The following KHDRBS2 variants were observed in gnomAD, a reference collection of about 807,000 sequenced individuals.
KHDRBS2 encodes KH RNA binding domain containing, signal transduction associated 2, also known as KH domain-containing, RNA-binding, signal transduction-associated protein 2.
Under a neutral mutation model 44.3 loss-of-function variants are expected in KHDRBS2, and 26 were observed. The ratio of observed to expected loss-of-function variants is 0.59; its 90% confidence interval spans 0.43 to 0.81. The LOEUF (loss-of-function observed/expected upper bound fraction) is 0.81, where lower values mean the gene tolerates loss of function less well. KHDRBS2 is among the 40% of genes least tolerant of loss of function. The probability of loss-of-function intolerance (pLI) is 0.00; values close to 1 mark genes in which losing one functional copy is unlikely to be tolerated. For synonymous variants in KHDRBS2, 194 were observed against 151.1 expected, an observed-to-expected ratio of 1.28 and a Z score of -2.08; for missense variants, 476 against 433.1, an observed-to-expected ratio of 1.10 and a Z score of -0.88.
In KHDRBS2 at chr6:61,680,870, A is replaced by C; in HGVS notation, c.*93T>G. ...ATCCCTAGAATAGAAACAAACAAAC[A>C]AAAAAAGGACTATTACTTGTCTTGT... On this transcript the variant is annotated 3_prime_UTR_variant, in exon 9 of 9. Transcript: ENST00000281156. The C allele has an allele frequency of 2.7e-6, 2 of 727,850 alleles. No individual in the cohort carries two copies. Among genetic ancestry groups the C allele is most frequent in the South Asian group, 1.8e-5 (1 of 56,882 alleles). The allele number at this position is 727,850 out of a possible 1,614,324, so 45.1% of individuals were successfully genotyped here. A position where few individuals can be genotyped will look rare whatever the true frequency, so the allele number is the denominator to read the frequency against.
intron 6 of KHDRBS2, among the ~76,000 whole-genome samples, chr6:61,768,045 T>C (rs1362553623): frequency 6.6e-6 from 1 of 152,182 alleles, no homozygotes; most frequent in Admixed American, 6.5e-5. Flanking sequence ...TAGCATTTCT[T>C]ACAGGCCAGG....
intron 4 of KHDRBS2, among the ~76,000 whole-genome samples, chr6:61,957,537 G>T (rs1335968903): frequency 1.3e-5 from 2 of 152,152 alleles, no homozygotes; most frequent in Admixed American, 6.5e-5. Flanking sequence ...GGTCATAGCT[G>T]TGGGACGAAA....
At chr6:62,272,810 T>C (rs1318938684) in intron 1 of KHDRBS2, among the ~76,000 whole-genome samples, 1 of 152,128 alleles carries the variant, frequency 6.6e-6, no homozygotes, top group Non-Finnish European at 1.5e-5. Flanking sequence ...ATATCGTATG[T>C]AGTTTTGTAA....
intron 6 of KHDRBS2, among the ~76,000 whole-genome samples, chr6:61,821,717 T>C (rs1350545606): frequency 6.6e-6 from 1 of 151,934 alleles, no homozygotes; most frequent in Admixed American, 6.6e-5. Context: ...TTGGAAACTA[T>C]GAATTTATTT....
the KHDRBS2 span, among the ~76,000 whole-genome samples, chr6:61,628,555 A>G: frequency 6.6e-6 from 1 of 152,064 alleles, no homozygotes; most frequent in South Asian, 2.1e-4. Flanking sequence ...TTTACTCATT[A>G]CTTTGCTTAC....
intron 3 of KHDRBS2, among the ~76,000 whole-genome samples, chr6:62,032,979 G>T (rs987457370): frequency 1.3e-5 from 2 of 151,716 alleles, no homozygotes; most frequent in East Asian, 3.9e-4. Flanking sequence ...ACACAGAAAA[G>T]GAATTCAGAA....
At chr6:61,788,136 T>TA (rs1784100520) in intron 6 of KHDRBS2, among the ~76,000 whole-genome samples, 1 of 151,612 alleles carries the variant, frequency 6.6e-6, no homozygotes, top group Admixed American at 6.6e-5. Context: ...AATGGTCTCA[T>TA]ATGTTGTTAC....
chr6:61,608,198 T>A, the KHDRBS2 span, among the ~76,000 whole-genome samples: 1 of 152,186 alleles, frequency 6.6e-6, no homozygotes, highest in East Asian at 1.9e-4. Context: ...TCAAAGCATA[T>A]TATAGCTATA....
At chr6:61,546,973 G>A in the KHDRBS2 span, among the ~76,000 whole-genome samples, 7 of 151,986 alleles carry the variant, frequency 4.6e-5, no homozygotes, top group African/African-American at 1.7e-4. Context: ...AGGGTGCAAG[G>A]TTGAGACCAC....
chr6:61,930,523 T>TA lies in KHDRBS2; in HGVS notation c.484-29153dup, dbSNP rs755321896. ...GTGATAATGGACCCTATACCGCCCC[T>TA]AAAAAAAAAAAAAAAAAAAAAAGAA... On this transcript the variant is annotated intron_variant, in intron 4 of 8. Transcript: ENST00000281156. Among the ~76,000 whole-genome samples, 283 of 39,180 alleles carry TA rather than the reference T, an allele frequency of 7.2e-3. 58 individuals carry two copies. The highest frequency in any genetic ancestry group is 0.014 in the African/African-American group (124 of 9,058). 25.7% of individuals were successfully genotyped at this position (39,180 alleles called of 152,430 possible).
chr6:62,031,682 G>A (rs746874755), intron 3 of KHDRBS2, among the ~76,000 whole-genome samples: 58 of 152,088 alleles, frequency 3.8e-4, no homozygotes, highest in Non-Finnish European at 7.1e-4. Flanking sequence ...GAAGAAATGT[G>A]TCTTGTGGGT....
the KHDRBS2 span, among the ~76,000 whole-genome samples, chr6:61,674,622 T>C: frequency 6.6e-6 from 1 of 151,752 alleles, no homozygotes; most frequent in Non-Finnish European, 1.5e-5. Context: ...TATATACCCT[T>C]ATATCAATCA....
intron 4 of KHDRBS2, among the ~76,000 whole-genome samples, chr6:61,916,014 G>A (rs2127355106): frequency 6.6e-6 from 1 of 152,074 alleles, no homozygotes; most frequent in African/African-American, 2.4e-5. Context: ...AATTAAATAT[G>A]CATACCCCGA....
chr6:62,126,377 G>A (rs1320162522), intron 2 of KHDRBS2, among the ~76,000 whole-genome samples: 1 of 152,212 alleles, frequency 6.6e-6, no homozygotes, highest in Non-Finnish European at 1.5e-5. Context: ...CTAGGCCCTG[G>A]CTCCCGGACA....
At chr6:62,069,172 C>G (rs1794425133) in intron 2 of KHDRBS2, among the ~76,000 whole-genome samples, 1 of 151,620 alleles carries the variant, frequency 6.6e-6, no homozygotes, top group South Asian at 2.1e-4. Flanking sequence ...GACTTAACCA[C>G]TAAGCCTACT....
rs569915759 is a variant in KHDRBS2, at chr6:61,824,733, C to T, written c.810+69902G>A. Among the ~76,000 whole-genome samples, 25 of 152,194 alleles carry T rather than the reference C, an allele frequency of 1.6e-4. No homozygotes were observed. The South Asian group carries it at 5.0e-3, about 30-fold the overall frequency. The stretch of plus-strand genomic sequence containing the variant: ...GAGGCTTTAAGTTTTATTAATATGA[C>T]ATTAAATCATTTCTGTTTGTTATAG... On this transcript the variant is annotated intron_variant, in intron 6 of 8. Transcript: ENST00000281156.
intron 6 of KHDRBS2, among the ~76,000 whole-genome samples, chr6:61,824,636 A>C (rs1280128623): frequency 6.6e-6 from 1 of 152,198 alleles, no homozygotes; most frequent in Non-Finnish European, 1.5e-5. Context: ...CATGCATTTT[A>C]GAATTTCCAC....
intron 1 of KHDRBS2, among the ~76,000 whole-genome samples, chr6:62,257,744 T>C (rs1837632926): frequency 6.6e-6 from 1 of 151,836 alleles, no homozygotes; most frequent in Non-Finnish European, 1.5e-5. Context: ...ACTTTAAGAG[T>C]TTTAAACCTA....
intron 5 of KHDRBS2, among the ~76,000 whole-genome samples, chr6:61,901,018 A>G (rs1216027843): frequency 6.6e-6 from 1 of 152,092 alleles, no homozygotes; most frequent in South Asian, 2.1e-4. Context: ...CTCTACTTCA[A>G]TTTCTCACCT....
Sources: gnomAD v4.1 joint callset for allele counts (sites outside exome capture counted in the v4.1 genomes callset) on GRCh38, gnomAD v4.1.1 for gene constraint, MANE v1.5 for transcripts, NCBI Gene and HGNC (gene_info 2026-07-23, HGNC 2026-07-21) for gene names.